The following RAB11FIP3 variants were observed in gnomAD, a reference collection of about 807,000 sequenced individuals.
RAB11FIP3 encodes the protein rab11 family-interacting protein 3.
Under a neutral mutation model 77.8 loss-of-function variants are expected in RAB11FIP3, and 17 were observed. The ratio of observed to expected loss-of-function variants is 0.22; its 90% CI spans 0.15 to 0.33. The LOEUF (loss-of-function observed/expected upper bound fraction) is 0.33. Among genes scored for constraint, RAB11FIP3 ranks in the 10% least tolerant of loss-of-function variants. The probability of loss-of-function intolerance (pLI) is 1.00; values close to 1 mark genes in which losing one functional copy is unlikely to be tolerated. For synonymous variants in RAB11FIP3, 437 were observed against 448.2 expected (o/e 0.98, Z 0.31); for missense variants, 1,005 against 1,011.2 (o/e 0.99, Z 0.08).
chr16:489,067 C>G (rs1264307361), intron 5 of RAB11FIP3, 67 bp downstream of exon 5: 1 of 1,514,472 alleles, frequency 6.6e-7, no homozygotes, highest in South Asian at 1.2e-5. Context: ...GGGAAGTTTC[C>G]CTTTTTGGTT....
Position 520,861 on chromosome 16 carries a change from G to A in RAB11FIP3, c.*22G>A, listed in dbSNP as rs765079790. ...GTAGAGGCAGGAAGGTCCAGCCTGA[G>A]CTGGATTCGGGACTCCAACACCCTG... On this transcript the variant is annotated 3_prime_UTR_variant, in exon 14 of 14. Coordinates refer to ENST00000262305, the MANE Select transcript of RAB11FIP3 (RefSeq NM_014700.4). 31 of 1,598,970 alleles carry A rather than the reference G, an allele frequency of 1.9e-5. 1 individual carries two copies. The highest frequency in any genetic ancestry group is 5.0e-5 in the Admixed American group (3 of 59,966).
intron 1 of RAB11FIP3, among the ~76,000 whole-genome samples, chr16:437,446 T>A (rs2055148361): frequency 1.3e-5 from 2 of 151,396 alleles, no homozygotes; most frequent in African/African-American, 4.9e-5. Flanking sequence ...GGTGCGTGCC[T>A]GTAGTCCCAG....
intron 1 of RAB11FIP3, among the ~76,000 whole-genome samples, chr16:456,934 A>G (rs890301039): frequency 6.6e-6 from 1 of 151,602 alleles, no homozygotes; most frequent in Non-Finnish European, 1.5e-5. Flanking sequence ...ATTGGGAGAT[A>G]CTGTATAGCC....
chr16:504,242 C>G (rs2031713530), intron 7 of RAB11FIP3, among the ~76,000 whole-genome samples: 1 of 7,274 alleles, frequency 1.4e-4, no homozygotes. Flanking sequence ...TCCTGTACCC[C>G]CTCACCTCCT....
chr16:464,944 A>G (rs947441020), intron 2 of RAB11FIP3, among the ~76,000 whole-genome samples: 2 of 152,192 alleles, frequency 1.3e-5, no homozygotes, highest in Non-Finnish European at 2.9e-5. Flanking sequence ...TTTGTGTGTA[A>G]TAGAGAATGC....
Position 426,968 on chromosome 16 carries a change from C to T in RAB11FIP3, c.714+248C>T, listed in dbSNP as rs1486182284. ...TCAGTTTCTTCCCCTCCCCCCAGCGCCTCGTCAGCTGGATCTTACCGAGGT... is the reference window on the plus strand; with the variant it reads ...TCAGTTTCTTCCCCTCCCCCCAGCGTCTCGTCAGCTGGATCTTACCGAGGT... On this transcript the variant is annotated intron_variant, in intron 1 of 13. Transcript: ENST00000262305. The surrounding 1 kb of genome is among the most constrained non-coding windows in gnomAD (Gnocchi z 5.0). 2.6e-5 allele frequency among the ~76,000 whole-genome samples: 4 copies of T among 152,122 alleles called. No individual in the cohort carries two copies. Among genetic ancestry groups the T allele is most frequent in the East Asian group, 1.9e-4 (1 of 5,172 alleles).
chr16:488,915 G>A lies in RAB11FIP3; in HGVS notation c.1180G>A (p.Gly394Ser), dbSNP rs1343730268. ...IGGEEHFEDY[G>S]EGSEAELSPE... ...GGGCGAGGAGCACTTTGAGGACTACGGTGAAGGCAGTGAGGCGGAGCTGTC... is the reference window on the plus strand; with the variant it reads ...GGGCGAGGAGCACTTTGAGGACTACAGTGAAGGCAGTGAGGCGGAGCTGTC... Residue 394 changes from glycine (G) to serine (S), a missense_variant, in exon 5 of 14, where the codon GGT becomes AGT. By Grantham distance (56) the Gly-to-Ser change is moderately conservative. Coordinates refer to ENST00000262305, the MANE Select transcript of RAB11FIP3 (RefSeq NM_014700.4). 8 of 1,614,032 alleles carry A rather than the reference G, an allele frequency of 5.0e-6. No homozygotes were observed. Among genetic ancestry groups the A allele is most frequent in the East Asian group, 2.2e-5 (1 of 44,864 alleles).
chr16:440,084 C>T (rs1312836717), intron 1 of RAB11FIP3, among the ~76,000 whole-genome samples: 1 of 148,452 alleles, frequency 6.7e-6, no homozygotes, highest in Non-Finnish European at 1.5e-5. Context: ...TCATGATCCG[C>T]CCCCCCCATC....
chr16:483,413 C>T (rs1378046166), intron 4 of RAB11FIP3, among the ~76,000 whole-genome samples: 1 of 152,162 alleles, frequency 6.6e-6, no homozygotes, highest in African/African-American at 2.4e-5. Context: ...TTGGGCCCCT[C>T]CCTTTGGAAC....
intron 1 of RAB11FIP3, among the ~76,000 whole-genome samples, chr16:445,262 G>A (rs888835119): frequency 2.8e-4 from 41 of 147,280 alleles, no homozygotes; most frequent in African/African-American, 8.2e-4. Flanking sequence ...GTGAAACCCC[G>A]AATCTACTAA....
At chr16:470,234 A>G (rs574014430) in intron 2 of RAB11FIP3, among the ~76,000 whole-genome samples, 257 of 151,414 alleles carry the variant, frequency 1.7e-3, no homozygotes, top group Non-Finnish European at 2.9e-3. Flanking sequence ...CTGACCTCAA[A>G]TGATCCTCCT....
chr16:492,765 C>T (rs964422808), intron 5 of RAB11FIP3, among the ~76,000 whole-genome samples: 4 of 152,106 alleles, frequency 2.6e-5, no homozygotes, highest in Admixed American at 6.6e-5. Context: ...ACTCAGGTCT[C>T]GTCTCTCATT....
intron 4 of RAB11FIP3, among the ~76,000 whole-genome samples, chr16:487,646 C>T (rs1425837536): frequency 6.6e-6 from 1 of 152,140 alleles, no homozygotes; most frequent in Non-Finnish European, 1.5e-5. Flanking sequence ...AGTGGAGCAG[C>T]GCCGGGCCTG....
At chr16:500,409 G>A (rs1021365196) in intron 6 of RAB11FIP3, among the ~76,000 whole-genome samples, 23 of 152,108 alleles carry the variant, frequency 1.5e-4, no homozygotes, top group Non-Finnish European at 2.9e-4. Flanking sequence ...CCAGCCGGAC[G>A]CGGTGGTTCA....
In RAB11FIP3 at chr16:461,110, G is replaced by T. The variant is rs910540675; in HGVS notation, c.715-294G>T. Among the ~76,000 whole-genome samples, 1 of 152,226 alleles carries T rather than the reference G, an allele frequency of 6.6e-6. No individual in the cohort carries two copies. Among genetic ancestry groups the T allele is most frequent in the African/African-American group, 2.4e-5 (1 of 41,458 alleles). ...TTCCACAGACGGGCAGGGCGTTGGG[G>T]TGGTTTCAGGATGATACTGTTCAGA... On this transcript the variant is annotated intron_variant, in intron 1 of 13. Coordinates refer to ENST00000262305, the MANE Select transcript of RAB11FIP3 (RefSeq NM_014700.4). The surrounding 1 kb of genome is among the most constrained non-coding windows in gnomAD (Gnocchi z 4.5).
intron 2 of RAB11FIP3, among the ~76,000 whole-genome samples, chr16:466,290 C>G (rs1319628671): frequency 6.6e-6 from 1 of 152,178 alleles, no homozygotes; most frequent in Non-Finnish European, 1.5e-5. Context: ...GTGCTCAGAT[C>G]CCTCTGCAGG....
chr16:497,394 C>T, intron 6 of RAB11FIP3: 1 of 1,286,190 alleles, frequency 7.8e-7, no homozygotes, highest in Admixed American at 2.4e-5. Context: ...AGGGTTAAGG[C>T]CCTTCCCAGG....
At chr16:496,782 T>C (rs771396876) in intron 5 of RAB11FIP3, 42 bp from the exon 6 acceptor site, 2 of 1,545,396 alleles carry the variant, frequency 1.3e-6, no homozygotes, top group Non-Finnish European at 1.8e-6. Context: ...CTCCTCTCTG[T>C]CTGTTCTAAC....
chr16:449,348 C>G (rs140751918), intron 1 of RAB11FIP3, among the ~76,000 whole-genome samples: 1,559 of 152,196 alleles, frequency 0.01, 29 homozygotes, highest in African/African-American at 0.036. Context: ...AACTGAGGAC[C>G]CTGTTTGCTG....
Sources: allele counts gnomAD v4.1 joint callset (sites outside exome capture counted in the v4.1 genomes callset), GRCh38; gene constraint gnomAD v4.1.1; non-coding constraint Gnocchi (gnomAD v3.1); transcripts MANE v1.5; gene names NCBI Gene and HGNC (gene_info 2026-07-23, HGNC 2026-07-21).